Variants in IBTK observed in about 807,000 individuals in gnomAD.
IBTK encodes the protein BTK-binding protein.
A neutral mutation model predicts 154.9 loss-of-function variants in IBTK; 83 were observed. The observed-to-expected ratio is 0.54, with a 90% confidence interval of 0.45 to 0.64. The LOEUF (loss-of-function observed/expected upper bound fraction) is 0.64. Among genes scored for constraint, IBTK ranks in the 30% least tolerant of loss-of-function variants. The pLI, the probability that IBTK is intolerant of heterozygous loss-of-function variation, is 0.00. For missense variants in IBTK, 1,332 were observed against 1,584.6 expected (o/e 0.84, Z 2.71); for synonymous variants, 515 against 536.1 (o/e 0.96, Z 0.54).
chr6:82,215,515 G>A (rs866558453), intron 11 of IBTK, among the ~76,000 whole-genome samples: 5 of 152,094 alleles, frequency 3.3e-5, no homozygotes, highest in East Asian at 1.9e-4. Flanking sequence ...GGCAGGGTGC[G>A]GTGGCTCATG....
intron 26 of IBTK, 99 bp from the exon 27 acceptor site, chr6:82,173,537 C>T (rs1768006824): frequency 1.1e-6 from 1 of 879,914 alleles, no homozygotes; most frequent in Non-Finnish European, 1.8e-6. Flanking sequence ...ACTCCTGACT[C>T]CAGAGGCAAA....
intron 25 of IBTK, among the ~76,000 whole-genome samples, chr6:82,188,651 CA>C (rs890871819): frequency 5.9e-5 from 9 of 151,656 alleles, no homozygotes; most frequent in Non-Finnish European, 1.3e-4. Context: ...ACAAACAAAC[CA>C]AAAAAAGCTC....
intron 1 of IBTK, among the ~76,000 whole-genome samples, chr6:82,245,233 A>G (rs1479517497): frequency 6.6e-6 from 1 of 152,156 alleles, no homozygotes; most frequent in Non-Finnish European, 1.5e-5. Context: ...GACTTTCTAC[A>G]GGAGATAAAC....
Position 82,240,201 on chromosome 6 carries a change from A to T in IBTK, c.286T>A (p.Tyr96Asn). The T allele has an allele frequency of 6.2e-7, 1 of 1,613,932 alleles. No homozygotes were observed. Among genetic ancestry groups the T allele is most frequent in the Non-Finnish European group, 8.5e-7 (1 of 1,179,834 alleles). The change falls in exon 2 of 29, where the codon TAT becomes AAT. Residue 96 changes from tyrosine to asparagine, a missense_variant. Transcript: ENST00000306270. ...GACCAAACACAATCAATATGTCCAT[A>T]AAAAATGCTTCTGTGCAATGCTGTC... Reference protein sequence around the residue: ...GWTALHRSIFYGHIDCVWSLL... With the variant: ...GWTALHRSIFNGHIDCVWSLL...
intron 1 of IBTK, among the ~76,000 whole-genome samples, chr6:82,242,967 C>A (rs1771009243): frequency 6.6e-6 from 1 of 151,616 alleles, no homozygotes; most frequent in South Asian, 2.1e-4. Flanking sequence ...AAAAGACGGG[C>A]ACGGTGGCTC....
chr6:82,194,755 A>T, intron 22 of IBTK, 113 bp from the exon 23 acceptor site: 6 of 678,738 alleles, frequency 8.8e-6, no homozygotes, highest in Non-Finnish European at 1.1e-5. Flanking sequence ...AAATCTTATG[A>T]CAATAAGCCA....
intron 25 of IBTK, among the ~76,000 whole-genome samples, chr6:82,189,952 T>C (rs982625745): frequency 6.6e-6 from 1 of 152,158 alleles, no homozygotes; most frequent in Non-Finnish European, 1.5e-5. Context: ...CCTACAAGGG[T>C]AACAGTCAAA....
chr6:82,200,154 A>T lies in IBTK; in HGVS notation c.3012T>A (p.Ser1004Arg). 1 of 1,600,604 alleles carries T rather than the reference A, an allele frequency of 6.2e-7. No homozygotes were observed. Among genetic ancestry groups the T allele is most frequent in the Non-Finnish European group, 8.5e-7 (1 of 1,169,748 alleles). The change falls in exon 21 of 29, where the codon AGT (serine) becomes AGA (arginine). Residue 1004 changes from serine (S) to arginine (R), a missense_variant. Coordinates refer to ENST00000306270, the MANE Select transcript of IBTK (RefSeq NM_015525.4). ...CTTTCCACGAACCTGTAGATGATGGACTCTGAATAATATCTGAAAGGTTAT... is the reference window on the plus strand; with the variant it reads ...CTTTCCACGAACCTGTAGATGATGGTCTCTGAATAATATCTGAAAGGTTAT... ...GGYNLSDIIQ[S>R]PSSTGLLKSG...
In IBTK at chr6:82,212,689, CTTCCT is replaced by C. The variant is rs1386086545; in HGVS notation, c.2291+13_2291+17del. On this transcript the variant is annotated intron_variant, in intron 13 of 28. Transcript: ENST00000306270. ...CAAAATCCAGACATGAAATGTTAATCTTCCTTTCCTTACTTACCATTTTTTCTGAC... is the reference window on the plus strand; with the variant it reads ...CAAAATCCAGACATGAAATGTTAATCTTCCTTACTTACCATTTTTTCTGAC... The C allele has an allele frequency of 6.7e-7, 1 of 1,484,240 alleles. No individual in the cohort carries two copies. Among genetic ancestry groups the C allele is most frequent in the Non-Finnish European group, 9.4e-7 (1 of 1,062,406 alleles). The allele number at this position is 1,484,240 out of a possible 1,614,324, so 91.9% of individuals were successfully genotyped here.
chr6:82,214,180 G>A (rs1769769958), intron 12 of IBTK, 47 bp downstream of exon 12: 2 of 1,520,484 alleles, frequency 1.3e-6, no homozygotes, highest in Non-Finnish European at 1.8e-6. Context: ...ATTTTTTAAA[G>A]GAGGACTGAA....
intron 26 of IBTK, among the ~76,000 whole-genome samples, chr6:82,180,365 C>T (rs932547804): frequency 2.0e-5 from 3 of 152,066 alleles, no homozygotes; most frequent in Non-Finnish European, 4.4e-5. Context: ...CCCACCCAGC[C>T]TCCTGAATAG....
chr6:82,241,846 C>T (rs1353995075), intron 1 of IBTK, among the ~76,000 whole-genome samples: 2 of 152,148 alleles, frequency 1.3e-5, no homozygotes, highest in East Asian at 1.9e-4. Context: ...GAAGGACATA[C>T]TTGAGTTTAC....
intron 26 of IBTK, among the ~76,000 whole-genome samples, chr6:82,176,508 C>CGA (rs956646553): frequency 3.2e-5 from 4 of 124,864 alleles, no homozygotes; most frequent in Non-Finnish European, 6.3e-5. Context: ...GTGACAAGAG[C>CGA]GAGAGTCCGT....
intron 7 of IBTK, 126 bp from the exon 8 acceptor site, chr6:82,223,746 C>T (rs955680145): frequency 6.9e-6 from 5 of 725,294 alleles, no homozygotes; most frequent in African/African-American, 3.6e-5. Context: ...ATCCCTTGAG[C>T]CCTGGAGCTC....
rs950062554 is a variant in IBTK at position 82,234,147 on chromosome 6, A to C, written c.418+12T>G. ...AGCCGCAGCGCCCAGCCCATTTGTG[A>C]AATTTTCTTACCAGTATTCTTGAAT... On this transcript the variant is annotated intron_variant, in intron 3 of 28. Coordinates refer to ENST00000306270, the MANE Select transcript of IBTK (RefSeq NM_015525.4). 1.2e-5 allele frequency: 18 copies of C among 1,457,350 alleles called. No homozygotes were observed. The highest frequency in any genetic ancestry group is 1.7e-5 in the Non-Finnish European group (18 of 1,045,988). 90.3% of individuals were successfully genotyped at this position (1,457,350 alleles called of 1,614,324 possible).
At chr6:82,176,831 CA>C (rs1295867988) in intron 26 of IBTK, among the ~76,000 whole-genome samples, 1 of 151,954 alleles carries the variant, frequency 6.6e-6, no homozygotes, top group African/African-American at 2.4e-5. Flanking sequence ...CCCAAAGGAC[CA>C]TAAGCATTCC....
At chr6:82,192,190 A>T (rs188109355) in intron 23 of IBTK, among the ~76,000 whole-genome samples, 29 of 152,236 alleles carry the variant, frequency 1.9e-4, no homozygotes, top group South Asian at 4.1e-4. Context: ...AACATTTTTT[A>T]AAAAAAGTGA....
chr6:82,194,021 TA>T (rs1280207124), intron 23 of IBTK, among the ~76,000 whole-genome samples: 1 of 151,998 alleles, frequency 6.6e-6, no homozygotes, highest in African/African-American at 2.4e-5. Context: ...AATATATATA[TA>T]ATATAGGCAA....
At chr6:82,232,023 A>G (rs1327710677) in intron 3 of IBTK, among the ~76,000 whole-genome samples, 181 bp from the exon 4 acceptor site, 1 of 151,524 alleles carries the variant, frequency 6.6e-6, no homozygotes, top group African/African-American at 2.4e-5. Context: ...AATGCAAGCA[A>G]TCAAACATTT....
Sources: gnomAD v4.1 joint callset for allele counts (sites outside exome capture counted in the v4.1 genomes callset) on GRCh38, gnomAD v4.1.1 for gene constraint, MANE v1.5 for transcripts, NCBI Gene and HGNC (gene_info 2026-07-23, HGNC 2026-07-21) for gene names.